The following ARHGAP15 variants were observed in gnomAD, a reference collection of about 807,000 sequenced individuals.
ARHGAP15 encodes rho GTPase-activating protein 15.
ARHGAP15 carries 51 observed loss-of-function variants against 63.7 expected under a neutral mutation model. That is an observed-to-expected ratio of 0.80 (90% CI 0.64 to 1.01). The LOEUF (loss-of-function observed/expected upper bound fraction) is 1.01. Ranked by LOEUF, ARHGAP15 falls within the 50% of genes least tolerant of loss-of-function variation. The pLI, the probability that ARHGAP15 is intolerant of heterozygous loss-of-function variation, is 0.00. For synonymous variants in ARHGAP15, 191 were observed against 193.8 expected, an observed-to-expected ratio of 0.99 and a Z score of 0.12; for missense variants, 560 against 564.6, an observed-to-expected ratio of 0.99 and a Z score of 0.08.
chr2:143,656,057 A>G (rs1442870856), intron 12 of ARHGAP15: 3 of 152,230 alleles, frequency 2.0e-5, no homozygotes, highest in East Asian at 3.9e-4. Context: ...GCAGTTGCTT[A>G]TAAGTTATAA....
At chr2:143,192,623 G>A (rs546930600) in intron 2 of ARHGAP15, among the ~76,000 whole-genome samples, 116 of 152,218 alleles carry the variant, frequency 7.6e-4, no homozygotes, top group Non-Finnish European at 1.6e-3. Flanking sequence ...TCCTCTCCAC[G>A]GGTTTGCTGT....
intron 6 of ARHGAP15, among the ~76,000 whole-genome samples, chr2:143,361,323 A>G (rs1194677185): frequency 1.3e-5 from 2 of 152,218 alleles, no homozygotes; most frequent in African/African-American, 4.8e-5. Context: ...CATGTAGTAT[A>G]TAAAGTCTCC....
chr2:143,750,670 A>G (rs1263550582), intron 13 of ARHGAP15, among the ~76,000 whole-genome samples: 3 of 152,200 alleles, frequency 2.0e-5, no homozygotes, highest in Non-Finnish European at 2.9e-5. Flanking sequence ...CTTTCCCTCC[A>G]GTTAGAAGAG....
chr2:143,604,733 G>A (rs1268849076), intron 11 of ARHGAP15, among the ~76,000 whole-genome samples: 1 of 152,036 alleles, frequency 6.6e-6, no homozygotes, highest in Non-Finnish European at 1.5e-5. Context: ...CTAAATAGTG[G>A]CACTCAGACA....
At chr2:143,580,206 G>T (rs1179568285) in intron 11 of ARHGAP15, among the ~76,000 whole-genome samples, 1 of 151,726 alleles carries the variant, frequency 6.6e-6, no homozygotes, top group Non-Finnish European at 1.5e-5. Context: ...GAAAGAAGTT[G>T]TCCCAACAAC....
chr2:143,182,854 A>G (rs1278395900), intron 2 of ARHGAP15, among the ~76,000 whole-genome samples: 2 of 152,120 alleles, frequency 1.3e-5, no homozygotes, highest in Non-Finnish European at 2.9e-5. Flanking sequence ...CTAACAACAT[A>G]ACCTACCAGG....
chr2:143,646,195 A>G (rs1353615541), intron 12 of ARHGAP15, among the ~76,000 whole-genome samples: 1 of 152,090 alleles, frequency 6.6e-6, no homozygotes, highest in Admixed American at 6.6e-5. Context: ...TGAGAGCAGA[A>G]GGGTAAGAAT....
At chr2:143,398,595 TAAAC>T (rs373526530) in intron 6 of ARHGAP15, among the ~76,000 whole-genome samples, 123 of 152,214 alleles carry the variant, frequency 8.1e-4, no homozygotes, top group African/African-American at 2.8e-3. Flanking sequence ...TTCTGGTTCA[TAAAC>T]AAACAGAAAA....
intron 6 of ARHGAP15, among the ~76,000 whole-genome samples, chr2:143,360,975 CTA>C (rs1232362066): frequency 6.6e-6 from 1 of 152,144 alleles, no homozygotes; most frequent in African/African-American, 2.4e-5. Flanking sequence ...GGAAATGTCT[CTA>C]TGTAGATCTC....
intron 6 of ARHGAP15, among the ~76,000 whole-genome samples, chr2:143,433,077 C>T (rs1689458738): frequency 6.6e-6 from 1 of 152,044 alleles, no homozygotes; most frequent in African/African-American, 2.4e-5. Flanking sequence ...TCAGAGCTAA[C>T]ATTCTTTACT....
chr2:143,689,344 C>A (rs557821858), intron 12 of ARHGAP15, among the ~76,000 whole-genome samples: 37 of 152,216 alleles, frequency 2.4e-4, no homozygotes, highest in African/African-American at 7.5e-4. Context: ...CCTTCTCATT[C>A]CACTCCCTGT....
rs770081680 is a variant in ARHGAP15 at position 143,702,382 on chromosome 2, G to A, written c.1139-1037G>A. Among the ~76,000 whole-genome samples the A allele has an allele frequency of 3.0e-4, 45 of 152,112 alleles. 1 individual carries two copies. The highest frequency in any genetic ancestry group is 1.6e-3 in the Admixed American group (25 of 15,274). The stretch of plus-strand genomic sequence containing the variant: ...TGAACAACTTCCTATTTTATAAAAT[G>A]TTTATGACCAGGAAATATGCTATTT... On this transcript the variant is annotated intron_variant, in intron 12 of 13. Coordinates refer to ENST00000295095, the MANE Select transcript of ARHGAP15 (RefSeq NM_018460.4).
chr2:143,311,928 A>G lies in ARHGAP15; in HGVS notation c.474+61328A>G, dbSNP rs189637187. Reference sequence around the variant, plus strand: ...ATGTGTTGGAATGGCAATGCGCCTCAAGAACTGTTTACGTTGCATTGTGGG... The same window carrying G: ...ATGTGTTGGAATGGCAATGCGCCTCGAGAACTGTTTACGTTGCATTGTGGG... On this transcript the variant is annotated intron_variant, in intron 6 of 13. Coordinates refer to ENST00000295095, the MANE Select transcript of ARHGAP15 (RefSeq NM_018460.4). 2.2e-3 allele frequency among the ~76,000 whole-genome samples: 329 copies of G among 152,262 alleles called. 1 individual carries two copies. Among genetic ancestry groups the G allele is most frequent in the African/African-American group, 7.6e-3 (314 of 41,558 alleles).
intron 12 of ARHGAP15, among the ~76,000 whole-genome samples, chr2:143,695,875 A>AAAG (rs1683822491): frequency 6.6e-6 from 1 of 151,990 alleles, no homozygotes; most frequent in East Asian, 1.9e-4. Context: ...AAAAAAAAAA[A>AAAG]AAGTTACTTA....
At chr2:143,145,393 C>T (rs1379858920) in intron 1 of ARHGAP15, among the ~76,000 whole-genome samples, 1 of 151,986 alleles carries the variant, frequency 6.6e-6, no homozygotes, top group East Asian at 1.9e-4. Context: ...TTGCTGGTAA[C>T]CTGGTCATTC....
intron 10 of ARHGAP15, among the ~76,000 whole-genome samples, chr2:143,536,761 T>G (rs1694788205): frequency 6.6e-6 from 1 of 151,838 alleles, no homozygotes; most frequent in Non-Finnish European, 1.5e-5. Context: ...ATTTTCTTAA[T>G]CCAGTCTATC....
At chr2:143,700,237 C>T (rs1233390504) in intron 12 of ARHGAP15, among the ~76,000 whole-genome samples, 1 of 152,148 alleles carries the variant, frequency 6.6e-6, no homozygotes, top group Non-Finnish European at 1.5e-5. Flanking sequence ...GTTGGCTTAA[C>T]GGACTTGACT....
At chr2:143,462,137 G>T (rs182890848) in intron 8 of ARHGAP15, among the ~76,000 whole-genome samples, 1 of 152,094 alleles carries the variant, frequency 6.6e-6, no homozygotes, top group African/African-American at 2.4e-5. Context: ...TCCAGCCTGG[G>T]CAATAGAGCC....
chr2:143,557,053 C>T (rs569015984), intron 11 of ARHGAP15, among the ~76,000 whole-genome samples: 7 of 152,120 alleles, frequency 4.6e-5, no homozygotes, highest in Non-Finnish European at 1.0e-4. Context: ...GGCGGAAGTG[C>T]GAAATGATTG....
Sources: gnomAD v4.1 joint callset for allele counts (sites outside exome capture counted in the v4.1 genomes callset) on GRCh38, gnomAD v4.1.1 for gene constraint, MANE v1.5 for transcripts, NCBI Gene and HGNC (gene_info 2026-07-23, HGNC 2026-07-21) for gene names.